The following ENTREP2 variants were observed in gnomAD, a reference collection of about 807,000 sequenced individuals.
ENTREP2 encodes endosomal transmembrane epsin interactor 2, also known as protein ENTREP2.
the ENTREP2 span, among the ~76,000 whole-genome samples, chr15:29,225,329 G>A: frequency 1.7e-4 from 26 of 152,352 alleles, no homozygotes; most frequent in East Asian, 7.7e-4. Context: ...GAGAAGTCCC[G>A]CCCAAGAGAA....
At chr15:29,453,892 T>C in the ENTREP2 span, among the ~76,000 whole-genome samples, 5 of 152,246 alleles carry the variant, frequency 3.3e-5, no homozygotes, top group African/African-American at 1.2e-4. Context: ...CCTGCTATTA[T>C]TAAGATATTC....
At chr15:29,423,808 T>C in the ENTREP2 span, among the ~76,000 whole-genome samples, 1 of 147,704 alleles carries the variant, frequency 6.8e-6, no homozygotes, top group South Asian at 2.2e-4. Flanking sequence ...AAAAAAAATT[T>C]GATTTTTTTC....
the ENTREP2 span, among the ~76,000 whole-genome samples, chr15:29,575,370 G>T: frequency 6.6e-6 from 1 of 152,104 alleles, no homozygotes; most frequent in Non-Finnish European, 1.5e-5. Context: ...CACGATAAAG[G>T]ACATTTATGA....
the ENTREP2 span, among the ~76,000 whole-genome samples, chr15:29,598,676 T>C: frequency 6.9e-6 from 1 of 145,594 alleles, no homozygotes; most frequent in African/African-American, 2.5e-5. Context: ...TGAAGTGACC[T>C]AAAATCTTTT....
chr15:29,195,352 A>T, the ENTREP2 span: 2 of 984,158 alleles, frequency 2.0e-6, no homozygotes, highest in Non-Finnish European at 2.4e-6. Context: ...AATCACAAGC[A>T]CTCAAGGTCA....
At chr15:29,574,843 A>C in the ENTREP2 span, among the ~76,000 whole-genome samples, 131,827 of 152,174 alleles carry the variant, frequency 0.87, 57,275 homozygotes, top group East Asian at 1. Context: ...ATTTCTGCCT[A>C]TGGAAGAGTA....
At chr15:29,309,330 C>T in the ENTREP2 span, among the ~76,000 whole-genome samples, 3 of 152,146 alleles carry the variant, frequency 2.0e-5, no homozygotes, top group African/African-American at 7.2e-5. Context: ...TTACCACTGT[C>T]GCGGTAATTA....
chr15:29,441,475 A>G, the ENTREP2 span, among the ~76,000 whole-genome samples: 1 of 152,168 alleles, frequency 6.6e-6, no homozygotes, highest in African/African-American at 2.4e-5. Context: ...GGCATTTGAC[A>G]CTGCTAACCA....
At chr15:29,674,582 T>C in the ENTREP2 span, among the ~76,000 whole-genome samples, 1 of 152,122 alleles carries the variant, frequency 6.6e-6, no homozygotes, top group African/African-American at 2.4e-5. Flanking sequence ...CACAGACTTT[T>C]AATCAGATTT....
the ENTREP2 span, chr15:29,570,568 G>T: frequency 6.8e-7 from 1 of 1,470,262 alleles, no homozygotes; most frequent in Non-Finnish European, 9.0e-7. Context: ...GCGCCAGCGC[G>T]GCGAAGCTGA....
chr15:29,604,372 A>G, the ENTREP2 span, among the ~76,000 whole-genome samples: 30 of 152,324 alleles, frequency 2.0e-4, no homozygotes, highest in East Asian at 3.9e-4. Flanking sequence ...GTCTTTTAAA[A>G]CTTAAAAATG....
chr15:29,218,004 G>C, the ENTREP2 span, among the ~76,000 whole-genome samples: 1 of 152,128 alleles, frequency 6.6e-6, no homozygotes, highest in Non-Finnish European at 1.5e-5. Context: ...GAACTGCAGT[G>C]ATTGTTGTCT....
At chr15:29,459,051 A>T in the ENTREP2 span, among the ~76,000 whole-genome samples, 1 of 152,184 alleles carries the variant, frequency 6.6e-6, no homozygotes, top group Non-Finnish European at 1.5e-5. Context: ...CAGCTGCCAC[A>T]CAGGGTTGAC....
chr15:29,219,639 A>ATATATG, the ENTREP2 span, among the ~76,000 whole-genome samples: 1 of 37,902 alleles, frequency 2.6e-5, no homozygotes, highest in Non-Finnish European at 5.9e-5. Context: ...ATATATATAT[A>ATATATG]TATATATATA....
the ENTREP2 span, among the ~76,000 whole-genome samples, chr15:29,289,403 A>T: frequency 6.6e-6 from 1 of 152,116 alleles, no homozygotes; most frequent in African/African-American, 2.4e-5. Context: ...AATGACTGAC[A>T]ACATCAAGTG....
At chr15:29,253,074 T>C in the ENTREP2 span, among the ~76,000 whole-genome samples, 5 of 152,228 alleles carry the variant, frequency 3.3e-5, no homozygotes, top group Non-Finnish European at 7.3e-5. Flanking sequence ...TCTGAAAACA[T>C]AGCCAAAATA....
the ENTREP2 span, among the ~76,000 whole-genome samples, chr15:29,583,034 A>T: frequency 6.6e-6 from 1 of 152,306 alleles, no homozygotes; most frequent in South Asian, 2.1e-4. Flanking sequence ...TCATGACCAA[A>T]ATATATTGGA....
chr15:29,331,758 G>A, the ENTREP2 span, among the ~76,000 whole-genome samples: 2 of 152,186 alleles, frequency 1.3e-5, no homozygotes, highest in South Asian at 2.1e-4. Flanking sequence ...TTCTACTTAA[G>A]TAAAGAAAAT....
the ENTREP2 span, among the ~76,000 whole-genome samples, chr15:29,358,744 A>G: frequency 4.0e-5 from 6 of 151,404 alleles, no homozygotes; most frequent in Non-Finnish European, 7.4e-5. Flanking sequence ...TATTTATCAG[A>G]AAAAAAAACC....
Sources: allele counts gnomAD v4.1 joint callset (sites outside exome capture counted in the v4.1 genomes callset), GRCh38; gene constraint gnomAD v4.1.1; transcripts MANE v1.5; gene names NCBI Gene and HGNC (gene_info 2026-07-23, HGNC 2026-07-21).